The following USP6NL variants were observed in gnomAD, a reference collection of about 807,000 sequenced individuals.
USP6NL encodes the protein USP6 N-terminal-like protein.
Under a neutral mutation model 61.9 loss-of-function variants are expected in USP6NL, and 26 were observed. That is an observed-to-expected ratio of 0.42 (90% CI 0.31 to 0.58). USP6NL has a LOEUF of 0.58. Among genes scored for constraint, USP6NL ranks in the 20% least tolerant of loss-of-function variants. USP6NL has a pLI of 0.16. For missense variants in USP6NL, 1,114 were observed against 1,034.3 expected (o/e 1.08, Z -1.06); for synonymous variants, 432 against 390.1 (o/e 1.11, Z -1.27).
At chr10:11,569,264 G>C (rs1396425842) in intron 2 of USP6NL, among the ~76,000 whole-genome samples, 2 of 151,934 alleles carry the variant, frequency 1.3e-5, no homozygotes, top group South Asian at 2.1e-4. Context: ...TATCTGAAAG[G>C]GTTCATTTTT....
Position 11,463,929 on chromosome 10 carries a change from G to T in USP6NL, c.1079-80C>A. 7.5e-7 allele frequency: 1 copy of T among 1,324,794 alleles called. No homozygotes were observed. The highest frequency in any genetic ancestry group is 1.0e-6 in the Non-Finnish European group (1 of 985,356). 82.1% of individuals were successfully genotyped at this position (1,324,794 alleles called of 1,614,324 possible). ...TTGAAGCAATCCATTAGTAACAATG[G>T]CATGCTTTTCATCTGTGCACAGATA... is the stretch of plus-strand genomic sequence containing the variant. On this transcript the variant is annotated intron_variant, in intron 14 of 14. Coordinates refer to ENST00000609104, the MANE Select transcript of USP6NL (RefSeq NM_014688.5). The surrounding 1 kb of genome is among the most constrained non-coding windows in gnomAD (Gnocchi z 6.3).
chr10:11,578,177 G>A lies in USP6NL; in HGVS notation c.4+19454C>T, dbSNP rs188023530. Among the ~76,000 whole-genome samples, 496 of 151,730 alleles carry A rather than the reference G, an allele frequency of 3.3e-3. 7 individuals are homozygous for A. The highest frequency in any genetic ancestry group is 0.011 in the African/African-American group (470 of 41,370). On this transcript the variant is annotated intron_variant, in intron 2 of 14. Coordinates refer to ENST00000609104, the MANE Select transcript of USP6NL (RefSeq NM_014688.5). Reference sequence around the variant, plus strand: ...GGAGACAGGGTTTCACTATGTTGCCGAGGCTGGTCTGGAACTCCTGAGCTC... The same window carrying A: ...GGAGACAGGGTTTCACTATGTTGCCAAGGCTGGTCTGGAACTCCTGAGCTC...
At chr10:11,502,172 T>C (rs949463037) in intron 6 of USP6NL, among the ~76,000 whole-genome samples, 1 of 149,066 alleles carries the variant, frequency 6.7e-6, no homozygotes. Context: ...GGCAGGAGAA[T>C]GGCGTGAACC....
intron 13 of USP6NL, among the ~76,000 whole-genome samples, chr10:11,483,563 AGAGGC>A (rs1833306103): frequency 2.1e-5 from 1 of 47,320 alleles, no homozygotes; most frequent in Non-Finnish European, 4.1e-5. Flanking sequence ...AGGGAGGGAG[AGAGGC>A]AGGGAGAGAG....
rs1323813652 is a variant in USP6NL, at chr10:11,600,634, C to A, written c.-83-2917G>T. The stretch of plus-strand genomic sequence containing the variant: ...CTAGCCATATTTCATAAGAAATACA[C>A]CTAAATCAGCAAAACACATAAAGGT... On this transcript the variant is annotated intron_variant, in intron 1 of 14. Coordinates refer to ENST00000609104, the MANE Select transcript of USP6NL (RefSeq NM_014688.5). The surrounding 1 kb of genome is among the most constrained non-coding windows in gnomAD (Gnocchi z 4.1). Among the ~76,000 whole-genome samples the A allele has an allele frequency of 6.6e-6, 1 of 152,024 alleles. No individual in the cohort carries two copies. The highest frequency in any genetic ancestry group is 1.5e-5 in the Non-Finnish European group (1 of 68,004).
In USP6NL at chr10:11,532,254, G is replaced by A. The variant is rs757803828; in HGVS notation, c.5-4687C>T. 1.3e-6 allele frequency: 2 copies of A among 1,582,354 alleles called. No individual in the cohort carries two copies. Among genetic ancestry groups the A allele is most frequent in the Non-Finnish European group, 1.7e-6 (2 of 1,164,244 alleles). On this transcript the variant is annotated intron_variant, in intron 2 of 14. Coordinates refer to ENST00000609104, the MANE Select transcript of USP6NL (RefSeq NM_014688.5). This position sits in a 1 kb window ranked among gnomAD's most constrained non-coding sequence, Gnocchi z 4.1. ...TCATAGAGTAACTTATCTATTCCAA[G>A]ATTTCATTATTATTTTATAGTTCTC...
chr10:11,607,157 G>C lies in USP6NL; in HGVS notation c.-84+4286C>G, dbSNP rs527741964. Reference sequence around the variant, plus strand: ...GCCAATTCATTATTTTTTAATATGGGCACCAGGGAAATACACAAAAAACAC... The same window carrying C: ...GCCAATTCATTATTTTTTAATATGGCCACCAGGGAAATACACAAAAAACAC... On this transcript the variant is annotated intron_variant, in intron 1 of 14. Transcript: ENST00000609104. Among the ~76,000 whole-genome samples the C allele has an allele frequency of 4.0e-4, 61 of 152,124 alleles. 1 individual carries two copies. In the South Asian group the frequency reaches 0.011, roughly 26 times the overall value.
intron 2 of USP6NL, among the ~76,000 whole-genome samples, chr10:11,539,967 A>C (rs1835982727): frequency 6.6e-6 from 1 of 152,256 alleles, no homozygotes; most frequent in African/African-American, 2.4e-5. Flanking sequence ...GAGACAGGGC[A>C]GGACTTAAAA....
At chr10:11,519,193 T>C (rs1835099068) in intron 4 of USP6NL, among the ~76,000 whole-genome samples, 1 of 152,174 alleles carries the variant, frequency 6.6e-6, no homozygotes. Flanking sequence ...GGCCCCAGCT[T>C]GCCACCCTCT....
At position 11,596,730 on chromosome 10, in the gene USP6NL, A is replaced by G. The variant is rs1384274547; in HGVS notation, c.4+901T>C. On this transcript the variant is annotated intron_variant, in intron 2 of 14. Transcript: ENST00000609104. The surrounding 1 kb of genome is among the most constrained non-coding windows in gnomAD (Gnocchi z 4.1). Reference sequence around the variant, plus strand: ...AAAAAGTATACCACTGAAAAGTCAAAAATCAAAGACCGTTCCTTACAATAT... The same window carrying G: ...AAAAAGTATACCACTGAAAAGTCAAGAATCAAAGACCGTTCCTTACAATAT... Among the ~76,000 whole-genome samples, 1 of 152,180 alleles carries G rather than the reference A, an allele frequency of 6.6e-6. No individual in the cohort carries two copies. The highest frequency in any genetic ancestry group is 1.5e-5 in the Non-Finnish European group (1 of 68,028).
chr10:11,595,845 A>C lies in USP6NL; in HGVS notation c.4+1786T>G, dbSNP rs1471722723. Among the ~76,000 whole-genome samples the C allele has an allele frequency of 6.6e-6, 1 of 152,220 alleles. No individual in the cohort carries two copies. Among genetic ancestry groups the C allele is most frequent in the Non-Finnish European group, 1.5e-5 (1 of 68,036 alleles). ...CACAAAGAGATAAAATAACAGAACC[A>C]ATTGTTTTAAGTGGACATGAAAAAG... On this transcript the variant is annotated intron_variant, in intron 2 of 14. Coordinates refer to ENST00000609104, the MANE Select transcript of USP6NL (RefSeq NM_014688.5). The surrounding 1 kb of genome is among the most constrained non-coding windows in gnomAD (Gnocchi z 5.3).
chr10:11,559,026 G>C (rs1471373045), intron 2 of USP6NL, among the ~76,000 whole-genome samples: 2 of 152,164 alleles, frequency 1.3e-5, no homozygotes, highest in Admixed American at 1.3e-4. Context: ...GACTTCTATA[G>C]TCATGACAGT....
At chr10:11,547,459 T>A (rs1250649381) in intron 2 of USP6NL, among the ~76,000 whole-genome samples, 2 of 152,124 alleles carry the variant, frequency 1.3e-5, no homozygotes, top group Admixed American at 6.5e-5. Flanking sequence ...TACAGCTGCC[T>A]GATAATTATA....
Position 11,525,790 on chromosome 10 carries a change from C to T in USP6NL, c.73-322G>A, listed in dbSNP as rs1835389354. On this transcript the variant is annotated intron_variant, in intron 3 of 14. Transcript: ENST00000609104. The surrounding 1 kb of genome is among the most constrained non-coding windows in gnomAD (Gnocchi z 5.0). The stretch of plus-strand genomic sequence containing the variant: ...AGCGATGGGGATGAGAAAGCCACTC[C>T]AGAAGAAACTGCCGAACCTTACAGT... Among the ~76,000 whole-genome samples the T allele has an allele frequency of 6.6e-6, 1 of 152,170 alleles. No individual in the cohort carries two copies. The highest frequency in any genetic ancestry group is 2.1e-4 in the South Asian group (1 of 4,820).
chr10:11,603,642 A>C (rs1237229698), intron 1 of USP6NL, among the ~76,000 whole-genome samples: 2 of 152,246 alleles, frequency 1.3e-5, no homozygotes, highest in African/African-American at 4.8e-5. Flanking sequence ...TCTAAATACA[A>C]GAATGTATTC....
At position 11,575,001 on chromosome 10, in the gene USP6NL, C is replaced by T. The variant is rs1277203667; in HGVS notation, c.4+22630G>A. Among the ~76,000 whole-genome samples the T allele has an allele frequency of 6.6e-6, 1 of 152,138 alleles. No individual in the cohort carries two copies. Among genetic ancestry groups the T allele is most frequent in the African/African-American group, 2.4e-5 (1 of 41,430 alleles). ...TATATACCACCCATAATGTATGCTC[C>T]ATATGGGTGTTAGGTTCAGAAATCA... On this transcript the variant is annotated intron_variant, in intron 2 of 14. Coordinates refer to ENST00000609104, the MANE Select transcript of USP6NL (RefSeq NM_014688.5). This position sits in a 1 kb window ranked among gnomAD's most constrained non-coding sequence, Gnocchi z 4.2.
intron 13 of USP6NL, among the ~76,000 whole-genome samples, chr10:11,483,718 G>A: frequency 8.0e-6 from 1 of 124,884 alleles, no homozygotes; most frequent in Non-Finnish European, 1.7e-5. Context: ...GTGTTGGGGG[G>A]CCGGTGCGGG....
At chr10:11,522,579 C>T (rs778953577) in intron 4 of USP6NL, among the ~76,000 whole-genome samples, 1 of 152,192 alleles carries the variant, frequency 6.6e-6, no homozygotes, top group Non-Finnish European at 1.5e-5. Flanking sequence ...TTCTATGCTT[C>T]ATTATGTTCA....
intron 14 of USP6NL, among the ~76,000 whole-genome samples, chr10:11,479,352 G>A (rs1475145293): frequency 1.3e-5 from 2 of 152,100 alleles, no homozygotes; most frequent in South Asian, 2.1e-4. Flanking sequence ...AAAGAAAGAA[G>A]GGTGCCCCAA....
Sources: allele counts gnomAD v4.1 joint callset (sites outside exome capture counted in the v4.1 genomes callset), GRCh38; gene constraint gnomAD v4.1.1; non-coding constraint Gnocchi (gnomAD v3.1); transcripts MANE v1.5; gene names NCBI Gene and HGNC (gene_info 2026-07-23, HGNC 2026-07-21).